Variants in ALPK3 observed in about 807,000 individuals in gnomAD.
ALPK3 encodes alpha kinase 3.
In ALPK3, 102 loss-of-function variants were observed where a neutral mutation model predicts 140.0. The observed-to-expected ratio is 0.73, with a 90% confidence interval of 0.62 to 0.86. The LOEUF (loss-of-function observed/expected upper bound fraction) is 0.86. Among genes scored for constraint, ALPK3 ranks in the 40% least tolerant of loss-of-function variants. The pLI, the probability that ALPK3 is intolerant of heterozygous loss-of-function variation, is 0.00. For missense variants in ALPK3, 2,254 were observed against 2,208.2 expected (o/e 1.02, Z -0.42); for synonymous variants, 938 against 898.5 (o/e 1.04, Z -0.79).
intron 5 of ALPK3, among the ~76,000 whole-genome samples, chr15:84,846,334 G>A (rs764979658): frequency 6.6e-6 from 1 of 152,180 alleles, no homozygotes; most frequent in Non-Finnish European, 1.5e-5. Context: ...TGCATGGAAA[G>A]ACAATCAAAG....
rs2141568719 is a variant in ALPK3, at chr15:84,857,909, T to A, written c.3171T>A (p.Ala1057=). 6.2e-7 allele frequency: 1 copy of A among 1,611,592 alleles called. No homozygotes were observed. The highest frequency in any genetic ancestry group is 8.5e-7 in the Non-Finnish European group (1 of 1,179,288). The part of the protein sequence containing the change: ...EVQAGRQALA[A]ARGSWGPGPS... ...AGGCTGGCCGCCAGGCCCTTGCTGCTGCCCGAGGCTCCTGGGGTCCTGGTC... is the reference window on the plus strand; with the variant it reads ...AGGCTGGCCGCCAGGCCCTTGCTGCAGCCCGAGGCTCCTGGGGTCCTGGTC... Residue 1057 remains alanine (A), a synonymous_variant, in exon 6 of 14, where the codon GCT becomes GCA. Coordinates refer to ENST00000258888, the MANE Select transcript of ALPK3 (RefSeq NM_020778.5).
chr15:84,849,535 G>A (rs893911772), intron 5 of ALPK3, among the ~76,000 whole-genome samples: 9 of 152,092 alleles, frequency 5.9e-5, no homozygotes, highest in African/African-American at 1.9e-4. Flanking sequence ...CTTAACAAAT[G>A]TGAAGTAATT....
rs114929985 is a variant in ALPK3 at position 84,858,679 on chromosome 15, C to T, written c.3817+124C>T. The T allele has an allele frequency of 1.7e-3, 2,387 of 1,385,636 alleles. 48 individuals carry two copies. The African/African-American group carries it at 0.032, about 18-fold the overall frequency. The allele number at this position is 1,385,636 out of a possible 1,614,324, so 85.8% of individuals were successfully genotyped here. ...ATCCCTCCTCGGGATTCATAAATTACCTTGGTAAAGGTACCCTTCTCTCAC... is the reference window on the plus strand; with the variant it reads ...ATCCCTCCTCGGGATTCATAAATTATCTTGGTAAAGGTACCCTTCTCTCAC... On this transcript the variant is annotated intron_variant, in intron 6 of 13. Transcript: ENST00000258888.
intron 5 of ALPK3, among the ~76,000 whole-genome samples, chr15:84,849,164 G>T (rs1963770982): frequency 6.6e-6 from 1 of 151,458 alleles, no homozygotes; most frequent in African/African-American, 2.4e-5. Context: ...ATTACTAAGA[G>T]AAAAATAGTG....
chr15:84,857,384 G>A lies in ALPK3; in HGVS notation c.2646G>A (p.Gly882=), dbSNP rs1963877851. ...GTGLTASPKA[G]PCSTPTSQHG... ...GGCTGACAGCTAGCCCAAAGGCGGG[G>A]CCGTGTAGCACCCCGACTTCTCAGC... The change falls in exon 6 of 14, where the codon GGG becomes GGA. Residue 882 remains glycine (G), a synonymous_variant. Coordinates refer to ENST00000258888, the MANE Select transcript of ALPK3 (RefSeq NM_020778.5). 2 of 1,614,056 alleles carry A rather than the reference G, an allele frequency of 1.2e-6. No homozygotes were observed. Among genetic ancestry groups the A allele is most frequent in the Non-Finnish European group, 1.7e-6 (2 of 1,180,020 alleles).
rs182192260 is a variant in ALPK3, at chr15:84,859,415, C to T, written c.3965+25C>T. 1,483 of 1,612,872 alleles carry T rather than the reference C, an allele frequency of 9.2e-4. 5 individuals are homozygous for T. Among genetic ancestry groups the T allele is most frequent in the African/African-American group, 8.3e-3 (626 of 75,036 alleles). Reference sequence around the variant, plus strand: ...GGTAAGCCAACGACACCACTGCCACCTGACCTGGCTCCCTGATTGCAGTAA... The same window carrying T: ...GGTAAGCCAACGACACCACTGCCACTTGACCTGGCTCCCTGATTGCAGTAA... On this transcript the variant is annotated intron_variant, in intron 7 of 13. Coordinates refer to ENST00000258888, the MANE Select transcript of ALPK3 (RefSeq NM_020778.5).
Position 84,858,120 on chromosome 15 carries a change from C to T in ALPK3, c.3382C>T (p.Pro1128Ser), listed in dbSNP as rs1963890861. 6.3e-7 allele frequency: 1 copy of T among 1,580,656 alleles called. No homozygotes were observed. The highest frequency in any genetic ancestry group is 8.6e-7 in the Non-Finnish European group (1 of 1,166,324). Reference protein sequence around the residue: ...AGGQAAPGQGPSAESIAQEPS... With the variant: ...AGGQAAPGQGSSAESIAQEPS... The stretch of plus-strand genomic sequence containing the variant: ...TGGGCAGGCAGCCCCTGGACAGGGG[C>T]CCTCAGCAGAGAGCATAGCCCAGGA... The change falls in exon 6 of 14, where the codon CCC becomes TCC. Residue 1128 changes from proline (P) to serine (S), a missense_variant. Pro to Ser is a moderately conservative substitution (Grantham distance 74). Around this residue, in one of 3 missense-constraint regions of ALPK3, gnomAD observed 2,088 missense variants for 2,022.9 expected, o/e 1.03. Transcript: ENST00000258888.
chr15:84,843,187 C>T (rs561079805), intron 5 of ALPK3, among the ~76,000 whole-genome samples: 1 of 152,336 alleles, frequency 6.6e-6, no homozygotes, highest in African/African-American at 2.4e-5. Flanking sequence ...CATGGTTAGG[C>T]TGGGTACAGT....
At chr15:84,853,307 A>C (rs1474217046) in intron 5 of ALPK3, among the ~76,000 whole-genome samples, 3 of 152,204 alleles carry the variant, frequency 2.0e-5, no homozygotes, top group African/African-American at 4.8e-5. Context: ...TTGGAAGAGC[A>C]TTTTTATTAA....
chr15:84,836,951 C>A (rs1398069146), intron 3 of ALPK3, among the ~76,000 whole-genome samples: 1 of 152,032 alleles, frequency 6.6e-6, no homozygotes, highest in Non-Finnish European at 1.5e-5. Context: ...CCAGAAAGAG[C>A]GGTGTCCTAG....
At chr15:84,853,674 T>G (rs1397264201) in intron 5 of ALPK3, among the ~76,000 whole-genome samples, 1 of 151,976 alleles carries the variant, frequency 6.6e-6, no homozygotes, top group Non-Finnish European at 1.5e-5. Flanking sequence ...GAGGCTGAGG[T>G]GGGAGGATCA....
In ALPK3 at chr15:84,870,165, C is replaced by T. The variant is rs1419179953; in HGVS notation, c.*1709C>T. On this transcript the variant is annotated 3_prime_UTR_variant, in exon 14 of 14. Coordinates refer to ENST00000258888, the MANE Select transcript of ALPK3 (RefSeq NM_020778.5). ...TCCTGCTTCTCAAGCTGCAGAGAAG[C>T]TTTTCATTCCCACCCCCACCCGGAA... 1 of 152,242 alleles carries T rather than the reference C, an allele frequency of 6.6e-6. No homozygotes were observed. The highest frequency in any genetic ancestry group is 1.5e-5 in the Non-Finnish European group (1 of 68,080). The allele number at this position is 152,242 out of a possible 1,614,324, so 9.4% of individuals were successfully genotyped here.
At chr15:84,832,229 G>T (rs994866832) in intron 3 of ALPK3, among the ~76,000 whole-genome samples, 1 of 152,182 alleles carries the variant, frequency 6.6e-6, no homozygotes, top group African/African-American at 2.4e-5. Flanking sequence ...ATTTTCTGGT[G>T]TCGAAAGGAT....
intron 10 of ALPK3, 136 bp from the exon 11 acceptor site, chr15:84,863,416 T>A (rs1180835781): frequency 8.7e-6 from 6 of 685,916 alleles, no homozygotes; most frequent in Non-Finnish European, 1.5e-5. Context: ...CAGGGAGGAG[T>A]AAGCCCTTCC....
chr15:84,823,230 G>A (rs1207988512), intron 1 of ALPK3, 100 bp from the exon 2 acceptor site: 3 of 1,375,896 alleles, frequency 2.2e-6, no homozygotes, highest in Non-Finnish European at 3.1e-6. Context: ...AAGGCTTCTG[G>A]GCCCCAGATG....
intron 1 of ALPK3, among the ~76,000 whole-genome samples, chr15:84,822,345 G>T (rs1963436396): frequency 6.6e-6 from 1 of 152,186 alleles, no homozygotes; most frequent in Non-Finnish European, 1.5e-5. Flanking sequence ...GGTGAAGCCA[G>T]GTTTTAGGGA....
In ALPK3 at chr15:84,838,638, T is replaced by TTATTA. The variant is rs145586317; in HGVS notation, c.305-341_305-340insATTAT. 0.16 allele frequency among the ~76,000 whole-genome samples: 22,644 copies of TTATTA among 139,232 alleles called. 2,257 individuals are homozygous for TTATTA. The highest frequency in any genetic ancestry group is 0.35 in the East Asian group (1,663 of 4,712). 91.3% of individuals were successfully genotyped at this position (139,232 alleles called of 152,430 possible). On this transcript the variant is annotated intron_variant, in intron 3 of 13. Coordinates refer to ENST00000258888, the MANE Select transcript of ALPK3 (RefSeq NM_020778.5). ...ATTATTATTATTATTATTATTATTATTGAGATGGAGTCTCACTATCGCCTA... is the reference window on the plus strand; with the variant it reads ...ATTATTATTATTATTATTATTATTATTATTATGAGATGGAGTCTCACTATCGCCTA...
At chr15:84,823,291 T>A in intron 1 of ALPK3, 39 bp from the exon 2 acceptor site, 1 of 1,611,882 alleles carries the variant, frequency 6.2e-7, no homozygotes, top group Non-Finnish European at 8.5e-7. Context: ...TCCTTCTTGC[T>A]TTTTTGGCCT....
In ALPK3 at chr15:84,868,464, A is replaced by G. The variant is rs1291420739; in HGVS notation, c.*8A>G. On this transcript the variant is annotated 3_prime_UTR_variant, in exon 14 of 14. Coordinates refer to ENST00000258888, the MANE Select transcript of ALPK3 (RefSeq NM_020778.5). ...GCCCAGGGCATGCGGTAGCCTCCGC[A>G]GAGGCTGGGGGCCTCCACCCAGCAG... 4 of 1,599,598 alleles carry G rather than the reference A, an allele frequency of 2.5e-6. No individual in the cohort carries two copies. In the African/African-American group the frequency reaches 5.4e-5, roughly 21 times the overall value.
Sources: gnomAD v4.1 joint callset for allele counts (sites outside exome capture counted in the v4.1 genomes callset) on GRCh38, gnomAD v4.1.1 for gene constraint, gnomAD v4.1.1 regional missense constraint, MANE v1.5 for transcripts, NCBI Gene and HGNC (gene_info 2026-07-23, HGNC 2026-07-21) for gene names.